The following COG5 variants were observed in gnomAD, a reference collection of about 807,000 sequenced individuals.
COG5 encodes the protein conserved oligomeric Golgi complex subunit 5.
In COG5, 86 loss-of-function variants were observed where a neutral mutation model predicts 110.4. The observed-to-expected ratio is 0.78, with a 90% CI of 0.65 to 0.93. The LOEUF is 0.93. Among genes scored for constraint, COG5 ranks in the 40% least tolerant of loss-of-function variants. The pLI, the probability that COG5 is intolerant of heterozygous loss-of-function variation, is 0.00. For synonymous variants in COG5, 360 were observed against 334.6 expected (o/e 1.08, Z -0.83); for missense variants, 1,077 against 987.0 (o/e 1.09, Z -1.22).
At position 107,299,250 on chromosome 7, in the gene COG5, AAAGAT is replaced by A. The variant is rs1185069490; in HGVS notation, c.1109-909_1109-905del. Reference sequence around the variant, plus strand: ...TTGAAACCAAAAACTGGTTCTTTGAAAAGATAAGTAAAATTGCCAAACTTCTAGCC... The same window carrying A: ...TTGAAACCAAAAACTGGTTCTTTGAAAAGTAAAATTGCCAAACTTCTAGCC... On this transcript the variant is annotated intron_variant, in intron 11 of 21. Coordinates refer to ENST00000297135, the MANE Select transcript of COG5 (RefSeq NM_006348.5). Among the ~76,000 whole-genome samples the A allele has an allele frequency of 2.0e-5, 3 of 152,122 alleles. No individual in the cohort carries two copies. In the East Asian group the frequency reaches 5.8e-4, roughly 29 times the overall value.
chr7:107,506,869 G>T (rs572046344), intron 6 of COG5, among the ~76,000 whole-genome samples: 1 of 152,304 alleles, frequency 6.6e-6, no homozygotes, highest in Admixed American at 6.5e-5. Flanking sequence ...AGGTTATCAT[G>T]AAATTCAGTT....
chr7:107,362,293 C>T lies in COG5; in HGVS notation c.948+15G>A. On this transcript the variant is annotated intron_variant, in intron 9 of 21. Transcript: ENST00000297135. ...AATCCATATTAATGTTTTTTCCACT[C>T]CTTCAAATATTTACCTGTCCACAAA... is the stretch of plus-strand genomic sequence containing the variant. 1 of 1,576,764 alleles carries T rather than the reference C, an allele frequency of 6.3e-7. No individual in the cohort carries two copies. Among genetic ancestry groups the T allele is most frequent in the Admixed American group, 1.7e-5 (1 of 59,950 alleles).
chr7:107,437,886 G>C (rs1421774815), intron 6 of COG5, among the ~76,000 whole-genome samples: 1 of 152,050 alleles, frequency 6.6e-6, no homozygotes, highest in Non-Finnish European at 1.5e-5. Flanking sequence ...AAGGTGCCCA[G>C]CTAAATAAAT....
chr7:107,205,682 T>G (rs1347681975), intron 21 of COG5, among the ~76,000 whole-genome samples: 2 of 152,204 alleles, frequency 1.3e-5, no homozygotes, highest in African/African-American at 4.8e-5. Flanking sequence ...CTTGCTTACT[T>G]TCTTGCGCAG....
At chr7:107,436,991 T>C (rs1794407796) in intron 6 of COG5, among the ~76,000 whole-genome samples, 1 of 152,220 alleles carries the variant, frequency 6.6e-6, no homozygotes, top group Admixed American at 6.5e-5. Flanking sequence ...ATGACACTAT[T>C]TGTGGTCAAA....
rs750010687 is a variant in COG5, at chr7:107,211,171, A to G, written c.2223T>C (p.Asp741=). ...EHVASSPALG[D]VIPFSIIIQF... The stretch of plus-strand genomic sequence containing the variant: ...GAATAATGATGCTGAACGGAATCAC[A>G]TCCCCCAATGCAGGACTACTGGCTA... Residue 741 remains aspartate (D), a synonymous_variant, in exon 20 of 22, where the codon GAT becomes GAC. Transcript: ENST00000297135. The G allele has an allele frequency of 5.0e-6, 8 of 1,614,086 alleles. No homozygotes were observed. The highest frequency in any genetic ancestry group is 6.8e-6 in the Non-Finnish European group (8 of 1,179,918).
rs533938807 is a variant in COG5, at chr7:107,298,168, T to C, written c.1287A>G (p.Ile429Met). 1.2e-6 allele frequency: 2 copies of C among 1,609,894 alleles called. No homozygotes were observed. Among genetic ancestry groups the C allele is most frequent in the African/African-American group, 2.7e-5 (2 of 74,988 alleles). ...CATAATCTGGCTTTTTTGGTATGAA[T>C]ATATCTTGTGCATCATCTTCCATGT... ...LQHMEDDAQD[I>M]FIPKKPDYDP... Residue 429 changes from isoleucine (I) to methionine (M), a missense_variant, in exon 12 of 22, where the codon ATA becomes ATG. By Grantham distance (10) the Ile-to-Met change is conservative (BLOSUM62 1). Transcript: ENST00000297135.
chr7:107,330,837 T>A (rs1271194550), intron 10 of COG5, among the ~76,000 whole-genome samples: 3 of 151,402 alleles, frequency 2.0e-5, no homozygotes, highest in Non-Finnish European at 4.4e-5. Context: ...TTTTTTTTTT[T>A]TTTGAGACAG....
chr7:107,556,408 A>G (rs1172935979), intron 2 of COG5, among the ~76,000 whole-genome samples: 3 of 152,186 alleles, frequency 2.0e-5, no homozygotes, highest in Non-Finnish European at 4.4e-5. Context: ...CTCACATCCT[A>G]GGCCACTACA....
intron 13 of COG5, 80 bp downstream of exon 13, chr7:107,283,486 ATAAAT>A: frequency 9.1e-6 from 11 of 1,207,382 alleles, no homozygotes; most frequent in South Asian, 1.4e-5. Context: ...TAATTTGAAA[ATAAAT>A]TAAAAAGGTA....
At chr7:107,490,011 T>C (rs1027406531) in intron 6 of COG5, among the ~76,000 whole-genome samples, 4 of 152,224 alleles carry the variant, frequency 2.6e-5, no homozygotes, top group African/African-American at 9.6e-5. Flanking sequence ...ATCATTATTA[T>C]TCTGAAATTT....
intron 6 of COG5, among the ~76,000 whole-genome samples, chr7:107,422,925 GTTAT>G (rs1490901104): frequency 1.4e-5 from 2 of 142,246 alleles, no homozygotes; most frequent in Admixed American, 1.4e-4. Context: ...GTTGTTTGGT[GTTAT>G]TTAATGGTTG....
chr7:107,345,202 C>T (rs1209511708), intron 10 of COG5, among the ~76,000 whole-genome samples: 3 of 151,972 alleles, frequency 2.0e-5, no homozygotes, highest in African/African-American at 4.8e-5. Flanking sequence ...TATATGGGGG[C>T]GTTCATGGTG....
intron 18 of COG5, among the ~76,000 whole-genome samples, chr7:107,235,850 C>T (rs998401592): frequency 3.9e-5 from 6 of 152,188 alleles, no homozygotes; most frequent in African/African-American, 1.4e-4. Context: ...AAAGAAAACG[C>T]TTTCTATAAG....
At chr7:107,330,500 A>G (rs1440689162) in intron 10 of COG5, among the ~76,000 whole-genome samples, 1 of 152,212 alleles carries the variant, frequency 6.6e-6, no homozygotes, top group Non-Finnish European at 1.5e-5. Flanking sequence ...CAGCTTTCAA[A>G]GCATATATTC....
At chr7:107,222,207 T>C (rs1242207329) in intron 19 of COG5, among the ~76,000 whole-genome samples, 7 of 147,932 alleles carry the variant, frequency 4.7e-5, no homozygotes, top group African/African-American at 1.7e-4. Context: ...GTCCCCCCCT[T>C]TTTTTTTTTT....
At chr7:107,225,092 T>A (rs1390318476) in intron 19 of COG5, among the ~76,000 whole-genome samples, 2 of 152,130 alleles carry the variant, frequency 1.3e-5, no homozygotes, top group Non-Finnish European at 2.9e-5. Flanking sequence ...TGGTCTGGAC[T>A]CAAACTCCAG....
rs576614659 is a variant in COG5, at chr7:107,400,899, G to A, written c.669+11603C>T. Among the ~76,000 whole-genome samples the A allele has an allele frequency of 1.1e-4, 16 of 152,190 alleles. No homozygotes were observed. In the South Asian group the frequency reaches 1.9e-3, roughly 18 times the overall value. ...TAAAACAAAAGCATACAGAAATGCC[G>A]TATGGTAATTGACACATCGTAAAAG... On this transcript the variant is annotated intron_variant, in intron 7 of 21. Transcript: ENST00000297135.
intron 21 of COG5, chr7:107,209,240 G>A (rs952404758): frequency 1.8e-5 from 18 of 985,212 alleles, no homozygotes; most frequent in Middle Eastern, 5.2e-4. Flanking sequence ...TTTTAGAGAC[G>A]CAACAGAGTG....
Sources: gnomAD v4.1 joint callset for allele counts (sites outside exome capture counted in the v4.1 genomes callset) on GRCh38, gnomAD v4.1.1 for gene constraint, MANE v1.5 for transcripts, NCBI Gene and HGNC (gene_info 2026-07-23, HGNC 2026-07-21) for gene names.